ABCD2: variants seen among roughly 807,000 people sequenced by gnomAD.
ABCD2 encodes ATP-binding cassette sub-family D member 2.
In ABCD2, 36 loss-of-function variants were observed where a neutral mutation model predicts 70.9. That is an observed-to-expected ratio of 0.51 (90% CI 0.39 to 0.67). The LOEUF (loss-of-function observed/expected upper bound fraction) is 0.67. Ranked by LOEUF, ABCD2 falls within the 30% of genes least tolerant of loss-of-function variation. The pLI, the probability that ABCD2 is intolerant of heterozygous loss-of-function variation, is 0.00. For missense variants in ABCD2, 729 were observed against 890.2 expected (o/e 0.82, Z 2.30); for synonymous variants, 304 against 306.9 (o/e 0.99, Z 0.10).
At chr12:39,557,912 T>C (rs1941194172) in intron 9 of ABCD2, among the ~76,000 whole-genome samples, 1 of 152,134 alleles carries the variant, frequency 6.6e-6, no homozygotes, top group African/African-American at 2.4e-5. Context: ...ATTGCTAGGG[T>C]AGTGCAGAAG....
chr12:39,553,923 C>A lies in ABCD2; in HGVS notation c.2212G>T (p.Glu738Ter). 6.2e-7 allele frequency: 1 copy of A among 1,607,542 alleles called. No homozygotes were observed. The highest frequency in any genetic ancestry group is 8.5e-7 in the Non-Finnish European group (1 of 1,176,788). ...TATGTCAAAACAAATTAAGATGTCTCATCTTCATTTTTAATTGTTTTCAGC... is the reference window on the plus strand; with the variant it reads ...TATGTCAAAACAAATTAAGATGTCTAATCTTCATTTTTAATTGTTTTCAGC... The part of the protein sequence containing the change: ...SVLKTIKNED[E>*]TS Residue 738 changes from glutamate (E) to a stop codon, truncating the protein, a stop_gained, in exon 10 of 10, where the codon GAG (glutamate) becomes TAG (stop). Coordinates refer to ENST00000308666, the MANE Select transcript of ABCD2 (RefSeq NM_005164.4). LOFTEE classifies it high-confidence loss of function.
chr12:39,602,536 G>A (rs988635248), intron 5 of ABCD2, among the ~76,000 whole-genome samples: 14 of 152,090 alleles, frequency 9.2e-5, no homozygotes, highest in African/African-American at 3.4e-4. Flanking sequence ...CTATGCAGAG[G>A]AAACAGAACT....
intron 9 of ABCD2, among the ~76,000 whole-genome samples, chr12:39,563,031 T>C (rs1941283687): frequency 6.6e-6 from 1 of 152,106 alleles, no homozygotes; most frequent in Non-Finnish European, 1.5e-5. Flanking sequence ...ATAAATGTGG[T>C]ACATAACATT....
the ABCD2 span, among the ~76,000 whole-genome samples, chr12:39,544,957 A>G: frequency 1.3e-5 from 2 of 152,232 alleles, no homozygotes; most frequent in African/African-American, 2.4e-5. Flanking sequence ...TTTTAAAAGC[A>G]AAGATTTGAA....
intron 6 of ABCD2, among the ~76,000 whole-genome samples, chr12:39,589,861 G>A (rs1055051357): frequency 2.6e-5 from 4 of 151,984 alleles, no homozygotes; most frequent in Admixed American, 2.0e-4. Context: ...GTCAATTATT[G>A]TTTTATGATC....
At position 39,554,071 on chromosome 12, in the gene ABCD2, C is replaced by A; in HGVS notation, c.2064G>T (p.Leu688Phe). The change falls in exon 10 of 10, where the codon TTG (leucine) becomes TTT (phenylalanine). Residue 688 changes from leucine (L) to phenylalanine (F), a missense_variant. By Grantham distance (22) the Leu-to-Phe change is conservative (BLOSUM62 0). Coordinates refer to ENST00000308666, the MANE Select transcript of ABCD2 (RefSeq NM_005164.4). ...TCAATGTCAAACGGATAGCAGTATC[C>A]AATTGTTCAAAGCGCCAACCTCCTT... Reference protein sequence around the residue: ...DGEGGWRFEQLDTAIRLTLSE... With the variant: ...DGEGGWRFEQFDTAIRLTLSE... 6.2e-7 allele frequency: 1 copy of A among 1,613,610 alleles called. No individual in the cohort carries two copies. Among genetic ancestry groups the A allele is most frequent in the Non-Finnish European group, 8.5e-7 (1 of 1,179,804 alleles).
At chr12:39,541,705 T>A in the ABCD2 span, among the ~76,000 whole-genome samples, 11 of 152,224 alleles carry the variant, frequency 7.2e-5, no homozygotes, top group African/African-American at 2.7e-4. Flanking sequence ...ATAAAAATGT[T>A]CACAGCAGTA....
At chr12:39,570,693 G>T (rs1941435351) in intron 9 of ABCD2, among the ~76,000 whole-genome samples, 1 of 152,060 alleles carries the variant, frequency 6.6e-6, no homozygotes, top group Non-Finnish European at 1.5e-5. Context: ...TGAAATTTGG[G>T]CAACGAGTTT....
intron 9 of ABCD2, among the ~76,000 whole-genome samples, chr12:39,566,824 C>T (rs777466937): frequency 3.3e-5 from 5 of 152,178 alleles, no homozygotes; most frequent in African/African-American, 7.2e-5. Context: ...AATTCTGGTA[C>T]GTTGTGTCTT....
At chr12:39,578,343 G>A (rs1011154223) in intron 8 of ABCD2, among the ~76,000 whole-genome samples, 1 of 151,926 alleles carries the variant, frequency 6.6e-6, no homozygotes, top group African/African-American at 2.4e-5. Flanking sequence ...GCTTGGTGGC[G>A]GGCACCTGTA....
intron 2 of ABCD2, among the ~76,000 whole-genome samples, chr12:39,610,047 A>G (rs900203932): frequency 6.6e-6 from 1 of 152,162 alleles, no homozygotes; most frequent in African/African-American, 2.4e-5. Flanking sequence ...GAGACAGAAA[A>G]TGCTTCATGG....
the ABCD2 span, among the ~76,000 whole-genome samples, chr12:39,539,416 T>G: frequency 6.6e-6 from 1 of 152,232 alleles, no homozygotes; most frequent in Non-Finnish European, 1.5e-5. Context: ...AATCTGGTTA[T>G]TGTTTTGTTA....
At chr12:39,547,275 G>T (rs936507380), downstream of ABCD2, among the ~76,000 whole-genome samples, 1 of 151,776 alleles carries the variant, frequency 6.6e-6, no homozygotes, top group Admixed American at 6.6e-5. Flanking sequence ...AGGAAAAACA[G>T]GATGGAGATT....
In ABCD2 at chr12:39,553,976, A is replaced by C; in HGVS notation, c.2159T>G (p.Leu720Arg). Residue 720 changes from leucine to arginine, a missense_variant, in exon 10 of 10, where the codon CTA becomes CGA. Leu to Arg is a moderately radical substitution (Grantham distance 102, BLOSUM62 -2). This residue lies in a region of ABCD2 where 289 missense variants were observed against 328.8 expected (regional missense o/e 0.88). Coordinates refer to ENST00000308666, the MANE Select transcript of ABCD2 (RefSeq NM_005164.4). Reference protein sequence around the residue: ...IPKMQQRLNELCKILGEDSVL... With the variant: ...IPKMQQRLNERCKILGEDSVL... ...TGAGTCTTCTCCCAAAATTTTACAT[A>C]GTTCATTGAGTCTCTGCTGCATTTT... 1 of 1,613,256 alleles carries C rather than the reference A, an allele frequency of 6.2e-7. No homozygotes were observed. The highest frequency in any genetic ancestry group is 1.3e-5 in the African/African-American group (1 of 75,012).
intron 7 of ABCD2, among the ~76,000 whole-genome samples, chr12:39,584,157 C>G (rs1252524735): frequency 6.6e-6 from 1 of 152,056 alleles, no homozygotes. Flanking sequence ...TTCTCTTTTT[C>G]CCACAACCTT....
rs377751082 is a variant in ABCD2 at position 39,616,954 on chromosome 12, A to C, written c.1120+34T>G. 3 of 1,539,928 alleles carry C rather than the reference A, an allele frequency of 1.9e-6. No homozygotes were observed. The African/African-American group carries it at 4.2e-5, about 21-fold the overall frequency. ...ACAACTTCAAAAGAAATAATGTTAA[A>C]AATATATTTGAGATTAAGCATAAAT... On this transcript the variant is annotated intron_variant, in intron 2 of 9. Coordinates refer to ENST00000308666, the MANE Select transcript of ABCD2 (RefSeq NM_005164.4).
At chr12:39,593,150 C>T (rs1270969790) in intron 6 of ABCD2, among the ~76,000 whole-genome samples, 2 of 152,196 alleles carry the variant, frequency 1.3e-5, no homozygotes, top group Non-Finnish European at 2.9e-5. Flanking sequence ...ATATATAACA[C>T]AGAGTTCCCT....
chr12:39,537,305 G>C, the ABCD2 span, among the ~76,000 whole-genome samples: 219 of 152,260 alleles, frequency 1.4e-3, no homozygotes, highest in Non-Finnish European at 2.6e-3. Context: ...GTATATCCAG[G>C]CTTCTAGTTG....
intron 1 of ABCD2, among the ~76,000 whole-genome samples, chr12:39,617,468 C>T (rs1167863827): frequency 6.6e-6 from 1 of 151,898 alleles, no homozygotes; most frequent in African/African-American, 2.4e-5. Context: ...ATTATTAGAG[C>T]TTTGTCCTTG....
Sources: allele counts gnomAD v4.1 joint callset (sites outside exome capture counted in the v4.1 genomes callset), GRCh38; gene constraint gnomAD v4.1.1; regional missense constraint gnomAD v4.1.1; transcripts MANE v1.5; gene names NCBI Gene and HGNC (gene_info 2026-07-23, HGNC 2026-07-21).